The following RUNX1 variants were observed in gnomAD, a reference collection of about 807,000 sequenced individuals.
RUNX1 encodes the protein runt-related transcription factor 1.
In RUNX1, 19 loss-of-function variants were observed where a neutral mutation model predicts 42.8. The observed-to-expected ratio is 0.44, with a 90% CI of 0.31 to 0.65. RUNX1 has a LOEUF of 0.65. RUNX1 is among the 30% of genes least tolerant of loss of function. The pLI, the probability that RUNX1 is intolerant of heterozygous loss-of-function variation, is 0.07. For synonymous variants in RUNX1, 271 were observed against 289.4 expected, an observed-to-expected ratio of 0.94 and a Z score of 0.64; for missense variants, 528 against 672.0, an observed-to-expected ratio of 0.79 and a Z score of 2.37.
chr21:34,973,817 A>T (rs2058779922), intron 2 of RUNX1, among the ~76,000 whole-genome samples: 2 of 152,218 alleles, frequency 1.3e-5, no homozygotes, highest in South Asian at 4.1e-4. Context: ...ATAGCACATG[A>T]ATGACACCAA....
chr21:35,013,719 T>G lies in RUNX1; in HGVS notation c.58+35123A>C, dbSNP rs9653718. 3.8e-3 allele frequency among the ~76,000 whole-genome samples: 585 copies of G among 152,326 alleles called. 2 individuals carry two copies. Among genetic ancestry groups the G allele is most frequent in the African/African-American group, 0.013 (547 of 41,576 alleles). ...ATCCTTGTAGCCTTTGAAACAGATGTCTATTTCTAGGAACTTATCCTAAGG... is the reference window on the plus strand; with the variant it reads ...ATCCTTGTAGCCTTTGAAACAGATGGCTATTTCTAGGAACTTATCCTAAGG... On this transcript the variant is annotated intron_variant, in intron 2 of 8. Transcript: ENST00000675419.
At chr21:34,948,437 G>C (rs1284950452) in intron 2 of RUNX1, among the ~76,000 whole-genome samples, 2 of 152,096 alleles carry the variant, frequency 1.3e-5, no homozygotes, top group Non-Finnish European at 2.9e-5. Flanking sequence ...TTCTGTATAG[G>C]AACAGGCTCT....
At chr21:34,807,425 G>GTCTT (rs2056694989) in intron 7 of RUNX1, among the ~76,000 whole-genome samples, 1 of 152,166 alleles carries the variant, frequency 6.6e-6, no homozygotes, top group East Asian at 1.9e-4. Context: ...AAAACGCCAG[G>GTCTT]TCTTTCAGTC....
chr21:34,887,212 A>C, intron 3 of RUNX1, 116 bp from the exon 4 acceptor site: 3 of 1,196,930 alleles, frequency 2.5e-6, no homozygotes, highest in Non-Finnish European at 2.1e-6. Flanking sequence ...ACCAACATAC[A>C]CGTTCAGGGG....
At position 34,792,608 on chromosome 21, in the gene RUNX1, C is replaced by G; in HGVS notation, c.970G>C (p.Ala324Pro). 3 of 1,585,510 alleles carry G rather than the reference C, an allele frequency of 1.9e-6. No individual in the cohort carries two copies. The highest frequency in any genetic ancestry group is 2.6e-6 in the Non-Finnish European group (3 of 1,166,422). Residue 324 changes from alanine (A) to proline (P), a missense_variant and splice_region_variant, in exon 9 of 9, where the codon GCA (alanine) becomes CCA (proline). Around this residue, in one of 3 missense-constraint regions of RUNX1, gnomAD observed 331 missense variants for 382.5 expected, o/e 0.87. Transcript: ENST00000675419. The surrounding 1 kb of genome is among the most constrained non-coding windows in gnomAD (Gnocchi z 6.9). ...TCGCTGAACGCTGTCAGGTCGGGTG[C>G]CGCTGCAGGGCGGGCAAGAGAACGG... ...SAELSSRLST[A>P]PDLTAFSDPR... is the part of the protein sequence containing the mutation.
At chr21:34,817,332 C>T (rs531787136) in intron 7 of RUNX1, among the ~76,000 whole-genome samples, 19 of 152,318 alleles carry the variant, frequency 1.2e-4, no homozygotes, top group Non-Finnish European at 1.9e-4. Context: ...GGTGGCTGAG[C>T]TACAAATGAT....
chr21:34,872,822 C>T (rs1358397528), intron 5 of RUNX1, among the ~76,000 whole-genome samples: 1 of 152,114 alleles, frequency 6.6e-6, no homozygotes, highest in African/African-American at 2.4e-5. Context: ...CACTCCCCAA[C>T]CCAATACACG....
At chr21:34,998,806 G>C (rs2146864787) in intron 2 of RUNX1, among the ~76,000 whole-genome samples, 1 of 152,324 alleles carries the variant, frequency 6.6e-6, no homozygotes. Context: ...CTCCCAAAGT[G>C]CTGGGATTAC....
chr21:34,900,226 T>C (rs62211819), intron 2 of RUNX1, among the ~76,000 whole-genome samples: 1 of 152,248 alleles, frequency 6.6e-6, no homozygotes, highest in Non-Finnish European at 1.5e-5. Context: ...GTTTCTGTAC[T>C]ATGTCTTCAA....
chr21:34,929,559 C>G (rs766346567), intron 2 of RUNX1, among the ~76,000 whole-genome samples: 7 of 152,120 alleles, frequency 4.6e-5, no homozygotes, highest in Admixed American at 6.5e-5. Context: ...CAGATCAATA[C>G]CTTGAGGGAA....
intron 2 of RUNX1, among the ~76,000 whole-genome samples, chr21:34,930,806 G>A (rs1299736915): frequency 6.6e-6 from 1 of 151,980 alleles, no homozygotes; most frequent in Non-Finnish European, 1.5e-5. Flanking sequence ...GAAGAAAACT[G>A]CAAGTGAACC....
chr21:34,790,239 GA>G lies in RUNX1; in HGVS notation c.*1895del, dbSNP rs2056417541. On this transcript the variant is annotated 3_prime_UTR_variant, in exon 9 of 9. Coordinates refer to ENST00000675419, the MANE Select transcript of RUNX1 (RefSeq NM_001754.5). ...AAACAAATAATCAATATATATATAA[GA>G]AAACTCAAAAACAAGTTGTTTTAAA... is the stretch of plus-strand genomic sequence containing the variant. The G allele has an allele frequency of 4.3e-6, 1 of 233,256 alleles. No individual in the cohort carries two copies. Among genetic ancestry groups the G allele is most frequent in the Non-Finnish European group, 8.5e-6 (1 of 117,836 alleles). 14.4% of individuals were successfully genotyped at this position (233,256 alleles called of 1,614,324 possible).
chr21:34,801,192 C>G (rs1020134667), intron 7 of RUNX1, among the ~76,000 whole-genome samples: 1 of 151,704 alleles, frequency 6.6e-6, no homozygotes. Context: ...ATATATAGTA[C>G]TCCAATACTT....
chr21:34,894,909 A>T (rs2058116964), intron 2 of RUNX1, among the ~76,000 whole-genome samples: 1 of 145,348 alleles, frequency 6.9e-6, no homozygotes, highest in African/African-American at 2.8e-5. Flanking sequence ...ACACACACAC[A>T]CACACACACA....
rs372331132 is a variant in RUNX1, at chr21:34,845,594, A to G, written c.614-10993T>C. ...TCAACAGTCCCTCTTCTGTGTGAAC[A>G]CTCTGGTGTGTGAAAGCAAGACCTC... On this transcript the variant is annotated intron_variant, in intron 6 of 8. Transcript: ENST00000675419. Among the ~76,000 whole-genome samples the G allele has an allele frequency of 1.8e-4, 27 of 151,912 alleles. No homozygotes were observed. The South Asian group carries it at 4.8e-3, about 27-fold the overall frequency.
intron 8 of RUNX1, among the ~76,000 whole-genome samples, chr21:34,793,341 C>T (rs372867231): frequency 2.0e-5 from 3 of 151,960 alleles, no homozygotes; most frequent in African/African-American, 7.2e-5. Flanking sequence ...TGTAGTATAG[C>T]ATAATATGTA....
rs56957776 is a variant in RUNX1 at position 34,823,430 on chromosome 21, G to GTTTTTTTTTTTTT, written c.805+10967_805+10979dup. Among the ~76,000 whole-genome samples the GTTTTTTTTTTTTT allele has an allele frequency of 2.8e-4, 28 of 99,660 alleles. 2 individuals are homozygous for GTTTTTTTTTTTTT. Among genetic ancestry groups the GTTTTTTTTTTTTT allele is most frequent in the African/African-American group, 1.0e-3 (20 of 19,528 alleles). The allele number at this position is 99,660 out of a possible 152,430, so 65.4% of individuals were successfully genotyped here. On this transcript the variant is annotated intron_variant, in intron 7 of 8. Coordinates refer to ENST00000675419, the MANE Select transcript of RUNX1 (RefSeq NM_001754.5). ...TAAGCACCATTTCCATTCCTGGTGG[G>GTTTTTTTTTTTTT]TTTTTTTTTTTTTTTTTTTTTTTTT...
chr21:34,889,301 C>T (rs928437418), intron 3 of RUNX1, among the ~76,000 whole-genome samples: 1 of 152,094 alleles, frequency 6.6e-6, no homozygotes, highest in Non-Finnish European at 1.5e-5. Context: ...GGCGAAGCGG[C>T]GCTGATTCCT....
intron 2 of RUNX1, 96 bp downstream of exon 2, chr21:35,048,746 C>T: frequency 1.0e-6 from 1 of 998,444 alleles, no homozygotes; most frequent in Non-Finnish European, 1.6e-6. Flanking sequence ...AACTGGCAGG[C>T]ACCGAGGCAT....
Sources: allele counts gnomAD v4.1 joint callset (sites outside exome capture counted in the v4.1 genomes callset), GRCh38; gene constraint gnomAD v4.1.1; regional missense constraint gnomAD v4.1.1; non-coding constraint Gnocchi (gnomAD v3.1); transcripts MANE v1.5; gene names NCBI Gene and HGNC (gene_info 2026-07-23, HGNC 2026-07-21).